The following FERRY3 variants were observed in gnomAD, a reference collection of about 807,000 sequenced individuals.
FERRY3 encodes protein C12orf4.
At chr12:4,492,255 T>G in the FERRY3 span, among the ~76,000 whole-genome samples, 3 of 152,210 alleles carry the variant, frequency 2.0e-5, no homozygotes, top group Non-Finnish European at 2.9e-5. Flanking sequence ...GTAATAATGT[T>G]TTAAATTTCT....
chr12:4,526,367 T>C, the FERRY3 span, among the ~76,000 whole-genome samples: 2 of 152,232 alleles, frequency 1.3e-5, no homozygotes, highest in Non-Finnish European at 1.5e-5. Flanking sequence ...TTTCTGTGTG[T>C]ATGTTATATT....
At chr12:4,512,784 A>AT in the FERRY3 span, among the ~76,000 whole-genome samples, 1 of 75,958 alleles carries the variant, frequency 1.3e-5, no homozygotes, top group Non-Finnish European at 2.5e-5. Flanking sequence ...AGCCAATATC[A>AT]TACTGAATGG....
the FERRY3 span, among the ~76,000 whole-genome samples, chr12:4,535,100 C>T: frequency 5.3e-5 from 8 of 152,218 alleles, no homozygotes; most frequent in Admixed American, 3.3e-4. The surrounding 1 kb of genome is among the most constrained non-coding windows in gnomAD (Gnocchi z 4.0). Flanking sequence ...TTCAGTTTTA[C>T]AGACACCACT....
At chr12:4,534,999 A>C in the FERRY3 span, among the ~76,000 whole-genome samples, 1 of 152,248 alleles carries the variant, frequency 6.6e-6, no homozygotes, top group Non-Finnish European at 1.5e-5. Context: ...AGAGTTTTCC[A>C]TGTAACTTTA....
At chr12:4,494,308 C>T in the FERRY3 span, among the ~76,000 whole-genome samples, 1 of 151,864 alleles carries the variant, frequency 6.6e-6, no homozygotes, top group Non-Finnish European at 1.5e-5. Context: ...TTCTTAATAG[C>T]ATCTTTTGAT....
the FERRY3 span, among the ~76,000 whole-genome samples, chr12:4,512,356 T>C: frequency 1.8e-4 from 27 of 152,074 alleles, no homozygotes; most frequent in South Asian, 2.1e-4. Flanking sequence ...TTCCAATCAA[T>C]AGGAAAAGAG....
At chr12:4,529,729 A>T in the FERRY3 span, 1 of 691,480 alleles carries the variant, frequency 1.4e-6, no homozygotes, top group Non-Finnish European at 2.3e-6. Context: ...ACATTTAAAC[A>T]TACAAGAAAA....
the FERRY3 span, chr12:4,518,003 G>C: frequency 6.7e-7 from 1 of 1,486,186 alleles, no homozygotes; most frequent in Non-Finnish European, 9.3e-7. Context: ...TTCTTTGTAA[G>C]AATGGTGTTA....
chr12:4,536,153 TTC>T, the FERRY3 span: 16 of 1,602,972 alleles, frequency 1.0e-5, no homozygotes, highest in South Asian at 6.7e-5. Flanking sequence ...TATATACAAA[TTC>T]TCTCTCTCTA....
chr12:4,512,487 C>G, the FERRY3 span, among the ~76,000 whole-genome samples: 1 of 152,202 alleles, frequency 6.6e-6, no homozygotes, highest in Non-Finnish European at 1.5e-5. Flanking sequence ...TGCAAAAATC[C>G]TCAATAAAAT....
the FERRY3 span, chr12:4,518,267 C>T: frequency 2.0e-5 from 32 of 1,612,630 alleles, no homozygotes; most frequent in Middle Eastern, 4.9e-4. Context: ...TGGGGGTAGG[C>T]AATAGTCCAG....
At chr12:4,527,627 CA>C in the FERRY3 span, among the ~76,000 whole-genome samples, 1 of 152,112 alleles carries the variant, frequency 6.6e-6, no homozygotes, top group African/African-American at 2.4e-5. Flanking sequence ...AATTTCGGGT[CA>C]ACCTCCACAG....
the FERRY3 span, chr12:4,489,661 A>G: frequency 6.0e-5 from 32 of 530,658 alleles, no homozygotes; most frequent in Middle Eastern, 1.2e-3. Flanking sequence ...AATTTTTGGA[A>G]TGGTTTCACA....
At chr12:4,505,343 A>G in the FERRY3 span, 1 of 1,606,358 alleles carries the variant, frequency 6.2e-7, no homozygotes, top group East Asian at 2.2e-5. Flanking sequence ...CAGCATTCTT[A>G]GTCTTATCAT....
the FERRY3 span, among the ~76,000 whole-genome samples, chr12:4,535,197 C>T: frequency 5.3e-5 from 8 of 152,292 alleles, no homozygotes; most frequent in African/African-American, 7.2e-5. This position sits in a 1 kb window ranked among gnomAD's most constrained non-coding sequence, Gnocchi z 4.0. Context: ...ACTATGTTCG[C>T]GACTTTAGAC....
At chr12:4,511,662 G>A in the FERRY3 span, among the ~76,000 whole-genome samples, 11,647 of 150,820 alleles carry the variant, frequency 0.077, 601 homozygotes, top group Non-Finnish European at 0.12. Context: ...CAAAATGAAG[G>A]CAGAAATAAA....
chr12:4,531,423 C>A, the FERRY3 span, among the ~76,000 whole-genome samples: 6 of 152,196 alleles, frequency 3.9e-5, no homozygotes, highest in Non-Finnish European at 8.8e-5. Flanking sequence ...ACTACCAGAT[C>A]ATCTAACTAC....
At chr12:4,494,943 T>C in the FERRY3 span, among the ~76,000 whole-genome samples, 1 of 152,240 alleles carries the variant, frequency 6.6e-6, no homozygotes, top group Non-Finnish European at 1.5e-5. Context: ...TTCCAATCCA[T>C]GAGTACGGGA....
chr12:4,516,630 T>C, the FERRY3 span, among the ~76,000 whole-genome samples: 1 of 152,180 alleles, frequency 6.6e-6, no homozygotes, highest in Non-Finnish European at 1.5e-5. Context: ...AAACACCACA[T>C]GCTCTCACTT....
Sources: allele counts gnomAD v4.1 joint callset (sites outside exome capture counted in the v4.1 genomes callset), GRCh38; gene constraint gnomAD v4.1.1; non-coding constraint Gnocchi (gnomAD v3.1); transcripts MANE v1.5; gene names NCBI Gene and HGNC (gene_info 2026-07-23, HGNC 2026-07-21).